The following UCK2 variants were observed in gnomAD, a reference collection of about 807,000 sequenced individuals.
UCK2 encodes the protein uridine-cytidine kinase 2, also known as cytidine monophosphokinase 2.
UCK2 carries 6 observed loss-of-function variants against 30.8 expected under a neutral mutation model. That is an observed-to-expected ratio of 0.19 (90% CI 0.11 to 0.38). The LOEUF is 0.38. Among genes scored for constraint, UCK2 ranks in the 10% least tolerant of loss-of-function variants. UCK2 has a pLI of 1.00. For missense variants in UCK2, 210 were observed against 339.8 expected (o/e 0.62, Z 3.00); for synonymous variants, 125 against 133.6 (o/e 0.94, Z 0.45).
chr1:165,902,592 A>ATTTTTTATTTT lies in UCK2; in HGVS notation c.500-584_500-583insATTTTTTTTTT, dbSNP rs1647514561. ...TGGTTTTCTTATCTTTCACTGAGTG[A>ATTTTTTATTTT]TTTTTTTTTTTTTTTTTTTTTTTTT... is the stretch of plus-strand genomic sequence containing the variant. On this transcript the variant is annotated intron_variant, in intron 4 of 6. Coordinates refer to ENST00000367879, the MANE Select transcript of UCK2 (RefSeq NM_012474.5). The ATTTTTTATTTT allele has an allele frequency of 2.0e-4, 9 of 45,758 alleles. 1 individual carries two copies. The highest frequency in any genetic ancestry group is 1.1e-4 in the Non-Finnish European group (3 of 26,110). 2.8% of individuals were successfully genotyped at this position (45,758 alleles called of 1,614,324 possible). A position where few individuals can be genotyped will look rare whatever the true frequency, so the allele number is the denominator to read the frequency against.
At chr1:165,834,138 G>A (rs1314521440) in intron 1 of UCK2, among the ~76,000 whole-genome samples, 1 of 152,088 alleles carries the variant, frequency 6.6e-6, no homozygotes, top group African/African-American at 2.4e-5. Flanking sequence ...GTTAGTTTTG[G>A]TGGTCATTCA....
rs115230060 is a variant in UCK2, at chr1:165,827,669, C to T, written c.-165C>T. The T allele has an allele frequency of 1.2e-3, 626 of 516,962 alleles. 3 individuals carry two copies. The highest frequency in any genetic ancestry group is 0.011 in the African/African-American group (576 of 50,208). The allele number at this position is 516,962 out of a possible 1,614,324, so 32.0% of individuals were successfully genotyped here. A position where few individuals can be genotyped will look rare whatever the true frequency, so the allele number is the denominator to read the frequency against. ...AAGGCTCTTGGCTCCTTCGGGAAAC[C>T]CAGCCCCGTCACCGGGCTCCGAGCG... is the stretch of plus-strand genomic sequence containing the variant. On this transcript the variant is annotated 5_prime_UTR_variant, in exon 1 of 7. Transcript: ENST00000367879.
At chr1:165,849,747 T>A (rs1654542725) in intron 1 of UCK2, among the ~76,000 whole-genome samples, 1 of 152,192 alleles carries the variant, frequency 6.6e-6, no homozygotes, top group Non-Finnish European at 1.5e-5. Flanking sequence ...CTGGAAAACC[T>A]GCGAAAATGG....
chr1:165,879,207 T>C (rs1198814438), intron 1 of UCK2, among the ~76,000 whole-genome samples: 1 of 152,248 alleles, frequency 6.6e-6, no homozygotes, highest in African/African-American at 2.4e-5. Context: ...TTTTTTGTTA[T>C]ATTTTGGATA....
intron 1 of UCK2, among the ~76,000 whole-genome samples, chr1:165,853,862 A>C (rs1654660668): frequency 6.6e-6 from 1 of 152,186 alleles, no homozygotes; most frequent in Admixed American, 6.5e-5. Context: ...CCTAAGTGTA[A>C]GGCTCTGGAT....
intron 1 of UCK2, among the ~76,000 whole-genome samples, chr1:165,842,999 C>T (rs1413992085): frequency 6.6e-6 from 1 of 152,214 alleles, no homozygotes; most frequent in Non-Finnish European, 1.5e-5. Flanking sequence ...CACTTTTACT[C>T]ATCCTTCAAA....
chr1:165,890,218 T>C lies in UCK2; in HGVS notation c.114T>C (p.Ala38=). ...GTASGKSSVC[A]KIVQLLGQNE... ...TCTCCTCACAGTCTTCCGTGTGTGCTAAGATCGTGCAGCTCCTGGGGCAGA... is the reference window on the plus strand; with the variant it reads ...TCTCCTCACAGTCTTCCGTGTGTGCCAAGATCGTGCAGCTCCTGGGGCAGA... The change falls in exon 2 of 7, where the codon GCT becomes GCC. Residue 38 remains alanine (A), a synonymous_variant. Coordinates refer to ENST00000367879, the MANE Select transcript of UCK2 (RefSeq NM_012474.5). The C allele has an allele frequency of 6.2e-7, 1 of 1,614,152 alleles. No individual in the cohort carries two copies. Among genetic ancestry groups the C allele is most frequent in the African/African-American group, 1.3e-5 (1 of 75,022 alleles).
At chr1:165,833,438 T>C (rs116373079) in intron 1 of UCK2, among the ~76,000 whole-genome samples, 3,215 of 152,188 alleles carry the variant, frequency 0.021, 115 homozygotes, top group African/African-American at 0.071. Flanking sequence ...CCTAGCACGA[T>C]GTCTGGTAGA....
At chr1:165,902,344 T>C (rs950359744) in intron 4 of UCK2, among the ~76,000 whole-genome samples, 4 of 151,770 alleles carry the variant, frequency 2.6e-5, no homozygotes, top group African/African-American at 9.7e-5. Context: ...CCCAGGAGGT[T>C]GAGGCTGTAG....
chr1:165,890,176 T>C (rs1487666734), intron 1 of UCK2, 28 bp from the exon 2 acceptor site: 1 of 1,612,590 alleles, frequency 6.2e-7, no homozygotes, highest in African/African-American at 1.3e-5. Context: ...TTTCTCTTAT[T>C]CCTGGGTGCT....
intron 1 of UCK2, among the ~76,000 whole-genome samples, chr1:165,829,812 G>T (rs1165897149): frequency 6.6e-6 from 1 of 151,990 alleles, no homozygotes; most frequent in Non-Finnish European, 1.5e-5. Context: ...AGAAAGGAAG[G>T]GTCCGTTTTT....
rs555053221 is a variant in UCK2 at position 165,886,352 on chromosome 1, T to C, written c.100-3852T>C. Among the ~76,000 whole-genome samples the C allele has an allele frequency of 1.2e-4, 18 of 152,278 alleles. No homozygotes were observed. The East Asian group carries it at 3.5e-3, about 29-fold the overall frequency. Reference sequence around the variant, plus strand: ...CTCTGTTGCCCAGGCTGGAGTGCAGTGGCATGATCATGGCTCACTGCAGCC... The same window carrying C: ...CTCTGTTGCCCAGGCTGGAGTGCAGCGGCATGATCATGGCTCACTGCAGCC... On this transcript the variant is annotated intron_variant, in intron 1 of 6. Coordinates refer to ENST00000367879, the MANE Select transcript of UCK2 (RefSeq NM_012474.5).
chr1:165,838,725 A>G (rs1654256600), intron 1 of UCK2, among the ~76,000 whole-genome samples: 1 of 151,722 alleles, frequency 6.6e-6, no homozygotes, highest in South Asian at 2.1e-4. Flanking sequence ...TGCATGCTAG[A>G]TGGCTTAGGT....
chr1:165,872,233 C>T (rs528656537), intron 1 of UCK2, among the ~76,000 whole-genome samples: 1 of 152,238 alleles, frequency 6.6e-6, no homozygotes, highest in Admixed American at 6.5e-5. Context: ...TGCCACTATG[C>T]CCAGCTAATT....
intron 4 of UCK2, chr1:165,900,552 AT>A (rs1647421497): frequency 6.6e-6 from 1 of 152,176 alleles, no homozygotes; most frequent in African/African-American, 2.4e-5. Context: ...CTTCACTGTG[AT>A]TTACCTCCTC....
chr1:165,895,481 C>A, intron 3 of UCK2: 1 of 985,326 alleles, frequency 1.0e-6, no homozygotes. Context: ...GCTACCCAAC[C>A]ATGTGGGTTG....
intron 1 of UCK2, among the ~76,000 whole-genome samples, chr1:165,851,641 A>G (rs150203261): frequency 6.6e-6 from 1 of 152,064 alleles, no homozygotes; most frequent in Non-Finnish European, 1.5e-5. Flanking sequence ...AACACAAAGG[A>G]AAAAAATGGG....
intron 1 of UCK2, among the ~76,000 whole-genome samples, chr1:165,862,205 C>T (rs1024521733): frequency 4.6e-5 from 7 of 152,118 alleles, no homozygotes; most frequent in Non-Finnish European, 1.0e-4. Flanking sequence ...TTTAGAGTAC[C>T]GTAGTCTCAG....
In UCK2 at chr1:165,827,830, A is replaced by G; in HGVS notation, c.-4A>G. 7.0e-7 allele frequency: 1 copy of G among 1,436,154 alleles called. No homozygotes were observed. Among genetic ancestry groups the G allele is most frequent in the South Asian group, 1.5e-5 (1 of 65,778 alleles). The allele number at this position is 1,436,154 out of a possible 1,614,324, so 89.0% of individuals were successfully genotyped here. On this transcript the variant is annotated 5_prime_UTR_variant, in exon 1 of 7. Transcript: ENST00000367879. ...AGGCAGCGGGAGGAGGGGCGGCGCGAACCATGGCCGGGGACAGCGAGCAGA... is the reference window on the plus strand; with the variant it reads ...AGGCAGCGGGAGGAGGGGCGGCGCGGACCATGGCCGGGGACAGCGAGCAGA...
Sources: allele counts gnomAD v4.1 joint callset (sites outside exome capture counted in the v4.1 genomes callset), GRCh38; gene constraint gnomAD v4.1.1; transcripts MANE v1.5; gene names NCBI Gene and HGNC (gene_info 2026-07-23, HGNC 2026-07-21).